Variants in SLC26A1 observed in about 807,000 individuals in gnomAD.
SLC26A1 encodes the protein solute carrier family 26 member 1, also known as sulfate anion transporter 1.
A neutral mutation model predicts 14.5 loss-of-function variants in SLC26A1; 18 were observed. The observed-to-expected ratio is 1.24, with a 90% CI of 0.86 to 1.84. SLC26A1 has a LOEUF of 1.84. Among genes scored for constraint, SLC26A1 ranks in the 40% most tolerant of loss-of-function variants. The pLI is 0.00. For synonymous variants in SLC26A1, 505 were observed against 492.0 expected (o/e 1.03, Z -0.35); for missense variants, 1,049 against 1,020.0 (o/e 1.03, Z -0.39).
In SLC26A1 at chr4:991,381, G is replaced by A. The variant is rs760940403; in HGVS notation, c.323C>T (p.Ala108Val). The change falls in exon 2 of 3, where the codon GCC becomes GTC. Residue 108 changes from alanine (A) to valine (V), a missense_variant. Coordinates refer to ENST00000398516, the MANE Select transcript of SLC26A1 (RefSeq NM_022042.4). ...GCCCATGAGGAAGTAGATGAGGTTG[G>A]CGAAGAAGGACGTATAGAGGCTGTA... ...PIYSLYTSFF[A>V]NLIYFLMGTS... 4.3e-6 allele frequency: 7 copies of A among 1,612,734 alleles called. No homozygotes were observed. Among genetic ancestry groups the A allele is most frequent in the Non-Finnish European group, 5.1e-6 (6 of 1,179,968 alleles).
chr4:990,906 C>A lies in SLC26A1; in HGVS notation c.576+222G>T, dbSNP rs1577518379. The A allele has an allele frequency of 5.8e-5, 31 of 538,240 alleles. No individual in the cohort carries two copies. The East Asian group carries it at 9.5e-4, about 16-fold the overall frequency. 33.3% of individuals were successfully genotyped at this position (538,240 alleles called of 1,614,324 possible). On this transcript the variant is annotated intron_variant, in intron 2 of 2. Coordinates refer to ENST00000398516, the MANE Select transcript of SLC26A1 (RefSeq NM_022042.4). The stretch of plus-strand genomic sequence containing the variant: ...CCCACCAAGGCCATGGCCCACCGGA[C>A]TGGCTCCCCGTGCCCCTCCCCTCCT...
downstream of SLC26A1, chr4:987,550 C>T (rs190905923): frequency 5.2e-3 from 6,205 of 1,193,786 alleles, 367 homozygotes; most frequent in South Asian, 0.092. Flanking sequence ...ATTCCTTCCA[C>T]CTAGAGCTGA....
At chr4:986,079 C>T (rs1713714132), downstream of SLC26A1, among the ~76,000 whole-genome samples, 1 of 152,112 alleles carries the variant, frequency 6.6e-6, no homozygotes, top group Admixed American at 6.6e-5. Flanking sequence ...ACCATCGCAT[C>T]TGGCTAAATT....
rs140299648 is a variant in SLC26A1, at chr4:989,935, G to A, written c.1004C>T (p.Pro335Leu). 1.1e-3 allele frequency: 1,653 copies of A among 1,557,274 alleles called. 2 individuals are homozygous for A. The highest frequency in any genetic ancestry group is 1.4e-3 in the Non-Finnish European group (1,612 of 1,151,726). The change falls in exon 3 of 3, where the codon CCC (proline) becomes CTC (leucine). Residue 335 changes from proline (P) to leucine (L), a missense_variant. By Grantham distance (98) the Pro-to-Leu change is moderately conservative (BLOSUM62 -3). Coordinates refer to ENST00000398516, the MANE Select transcript of SLC26A1 (RefSeq NM_022042.4). Reference sequence around the variant, plus strand: ...CAAAGCCACACGCTGCATCAGCCTGGGCTCTGGGACCTGAGGGGGCATGAA... The same window carrying A: ...CAAAGCCACACGCTGCATCAGCCTGAGCTCTGGGACCTGAGGGGGCATGAA... ...TGFMPPQVPE[P>L]RLMQRVALDA...
At chr4:980,240 C>T (rs1713498209) in intron 2 of SLC26A1, among the ~76,000 whole-genome samples, 1 of 152,186 alleles carries the variant, frequency 6.6e-6, no homozygotes, top group Non-Finnish European at 1.5e-5. Flanking sequence ...CCTGTGGGCT[C>T]TGGAGGGGTG....
downstream of SLC26A1, chr4:987,019 A>T: frequency 7.0e-7 from 1 of 1,431,200 alleles, no homozygotes. Flanking sequence ...GCGCGCCCAG[A>T]CTCCGACCCG....
intron 2 of SLC26A1, 49 bp from the exon 3 acceptor site, chr4:990,411 T>G (rs1269592915): frequency 2.0e-6 from 3 of 1,508,572 alleles, no homozygotes; most frequent in Non-Finnish European, 2.7e-6. Context: ...GGGAGCCACC[T>G]GCCCCTCACC....
chr4:979,480 G>A lies in SLC26A1; in HGVS notation c.601C>T (p.Gln201Ter), dbSNP rs2153013552. 1.2e-6 allele frequency: 2 copies of A among 1,613,942 alleles called. No homozygotes were observed. The highest frequency in any genetic ancestry group is 2.2e-5 in the East Asian group (1 of 44,882). The change falls in exon 3 of 3, where the codon CAG (glutamine) becomes TAG (stop). Residue 201 changes from glutamine (Q) to a stop codon, truncating the protein, a stop_gained. Transcript: ENST00000398520. LOFTEE classifies it high-confidence loss of function. ...TGTGTTAATTGCCATGGGTGTTGCT[G>A]GAAGCTGTTTCTACCCCAGGACGTC...
chr4:991,177 T>C lies in SLC26A1; in HGVS notation c.527A>G (p.Tyr176Cys). Residue 176 changes from tyrosine (Y) to cysteine (C), a missense_variant, in exon 2 of 3, where the codon TAC (tyrosine) becomes TGC (cysteine). Coordinates refer to ENST00000398516, the MANE Select transcript of SLC26A1 (RefSeq NM_022042.4). ...GAGGGCGGTGGCGACACGGATGGCGTAGCAGTCACGCCCGCAGTCCAGCAT... is the reference window on the plus strand; with the variant it reads ...GAGGGCGGTGGCGACACGGATGGCGCAGCAGTCACGCCCGCAGTCCAGCAT... ...AAMLDCGRDC[Y>C]AIRVATALTL... The C allele has an allele frequency of 6.3e-7, 1 of 1,581,520 alleles. No homozygotes were observed. Among genetic ancestry groups the C allele is most frequent in the Non-Finnish European group, 8.6e-7 (1 of 1,161,520 alleles).
At chr4:992,588 A>T (rs1449057124) in intron 1 of SLC26A1, 2 of 199,820 alleles carry the variant, frequency 1.0e-5, no homozygotes, top group Non-Finnish European at 2.1e-5. Flanking sequence ...CTGGGACGTG[A>T]GGCGCCCTTT....
Position 991,728 on chromosome 4 carries a change from G to T in SLC26A1, c.-25C>A. 6.5e-7 allele frequency: 1 copy of T among 1,531,218 alleles called. No individual in the cohort carries two copies. Among genetic ancestry groups the T allele is most frequent in the South Asian group, 1.2e-5 (1 of 81,226 alleles). The allele number at this position is 1,531,218 out of a possible 1,614,324, so 94.9% of individuals were successfully genotyped here. A position where few individuals can be genotyped will look rare whatever the true frequency, so the allele number is the denominator to read the frequency against. On this transcript the variant is annotated splice_region_variant and 5_prime_UTR_variant, in exon 2 of 3. Coordinates refer to ENST00000398516, the MANE Select transcript of SLC26A1 (RefSeq NM_022042.4). ...TCCTGTTGCGTCAGGTCCCGTGGCCGACCTGCGGCCGAGAAGAGGGCATGG... is the reference window on the plus strand; with the variant it reads ...TCCTGTTGCGTCAGGTCCCGTGGCCTACCTGCGGCCGAGAAGAGGGCATGG...
intron 2 of SLC26A1, among the ~76,000 whole-genome samples, chr4:982,021 G>T (rs1397500114): frequency 6.6e-6 from 1 of 152,022 alleles, no homozygotes; most frequent in Non-Finnish European, 1.5e-5. Flanking sequence ...AGTTTTCACC[G>T]TGTTAGCCAG....
rs377629899 is a variant in SLC26A1 at position 991,237 on chromosome 4, C to T, written c.467G>A (p.Gly156Glu). ...GCCGTTGAGGGTGCTGCTGTTGGCT[C>T]CGGGCTGCAGGCCGTCCTGGGAGGG... ...FDPSQDGLQPGANSSTLNGSA... is the reference protein window; with the variant it reads ...FDPSQDGLQPEANSSTLNGSA... The change falls in exon 2 of 3, where the codon GGA becomes GAA. Residue 156 changes from glycine (G) to glutamate (E), a missense_variant. By Grantham distance (98) the Gly-to-Glu change is moderately conservative (BLOSUM62 -2). Transcript: ENST00000398516. 31 of 1,611,494 alleles carry T rather than the reference C, an allele frequency of 1.9e-5. No homozygotes were observed. In the African/African-American group the frequency reaches 3.6e-4, roughly 19 times the overall value.
In SLC26A1 at chr4:988,910, A is replaced by G. The variant is rs1003834527; in HGVS notation, c.2029T>C (p.Phe677Leu). 1 of 1,605,216 alleles carries G rather than the reference A, an allele frequency of 6.2e-7. No individual in the cohort carries two copies. Among genetic ancestry groups the G allele is most frequent in the Non-Finnish European group, 8.5e-7 (1 of 1,176,818 alleles). The change falls in exon 3 of 3, where the codon TTC becomes CTC. Residue 677 changes from phenylalanine (F) to leucine (L), a missense_variant. Transcript: ENST00000398516. ...TGCACGGCATCGTGCACACTGAGGA[A>G]CAGCTGCTCCTCCTCAGCCGTGTCC... ...PGDTAEEEQL[F>L]LSVHDAVQTA...
At chr4:986,806 A>G, downstream of SLC26A1, 3 of 601,642 alleles carry the variant, frequency 5.0e-6, no homozygotes, top group South Asian at 3.0e-5. Flanking sequence ...CTCAACTCAC[A>G]TAGCACCAAC....
Position 988,028 on chromosome 4 carries a change from G to A in SLC26A1, c.*805C>T, listed in dbSNP as rs1019375093. 14 of 1,496,198 alleles carry A rather than the reference G, an allele frequency of 9.4e-6. No individual in the cohort carries two copies. The highest frequency in any genetic ancestry group is 2.3e-4 in the Middle Eastern group (1 of 4,340). The allele number at this position is 1,496,198 out of a possible 1,614,324, so 92.7% of individuals were successfully genotyped here. A position where few individuals can be genotyped will look rare whatever the true frequency, so the allele number is the denominator to read the frequency against. On this transcript the variant is annotated 3_prime_UTR_variant, in exon 3 of 3. Coordinates refer to ENST00000398516, the MANE Select transcript of SLC26A1 (RefSeq NM_022042.4). ...GGGAGGGGAGGGCTGGGGGCTGCTC[G>A]GAAGACCCCTTGTTCCCCCACCTCC...
chr4:989,711 A>T lies in SLC26A1; in HGVS notation c.1228T>A (p.Cys410Ser). 6.4e-7 allele frequency: 1 copy of T among 1,559,306 alleles called. No homozygotes were observed. The highest frequency in any genetic ancestry group is 8.7e-7 in the Non-Finnish European group (1 of 1,152,250). ...ACCACGCTGGACAGCTGTGTCCGGC[A>T]GCCAGTGGCTGTCTTCACCAGGCTC... is the stretch of plus-strand genomic sequence containing the variant. ...AKSLVKTATG[C>S]RTQLSSVVSA... The change falls in exon 3 of 3, where the codon TGC becomes AGC. Residue 410 changes from cysteine (C) to serine (S), a missense_variant. Coordinates refer to ENST00000398516, the MANE Select transcript of SLC26A1 (RefSeq NM_022042.4).
At position 987,667 on chromosome 4, in the gene SLC26A1, T is replaced by C. The variant is rs1713841959; in HGVS notation, c.*1166A>G. ...TGGGACCTCCCCACATTCCTGGCCC[T>C]AAGGGTCATTTTATTAGTCACTGAA... On this transcript the variant is annotated 3_prime_UTR_variant, in exon 3 of 3. Coordinates refer to ENST00000398516, the MANE Select transcript of SLC26A1 (RefSeq NM_022042.4). The C allele has an allele frequency of 4.7e-6, 7 of 1,484,160 alleles. No individual in the cohort carries two copies. Among genetic ancestry groups the C allele is most frequent in the Non-Finnish European group, 5.4e-6 (6 of 1,114,442 alleles). The allele number at this position is 1,484,160 out of a possible 1,614,324, so 91.9% of individuals were successfully genotyped here.
rs3822021 is a variant in SLC26A1, at chr4:992,068, A to G, written c.-27-338T>C. 568 of 540,968 alleles carry G rather than the reference A, an allele frequency of 1.0e-3. 11 individuals are homozygous for G. In the East Asian group the frequency reaches 0.023, roughly 22 times the overall value. 33.5% of individuals were successfully genotyped at this position (540,968 alleles called of 1,614,324 possible). ...TATTGGCTCTGCGGTTCCTGGCTGAAAACCACCCTGTAGCCTCCTGAAGCT... is the reference window on the plus strand; with the variant it reads ...TATTGGCTCTGCGGTTCCTGGCTGAGAACCACCCTGTAGCCTCCTGAAGCT... On this transcript the variant is annotated intron_variant, in intron 1 of 2. Transcript: ENST00000398516.
Sources: gnomAD v4.1 joint callset for allele counts (sites outside exome capture counted in the v4.1 genomes callset) on GRCh38, gnomAD v4.1.1 for gene constraint, MANE v1.5 for transcripts, NCBI Gene and HGNC (gene_info 2026-07-23, HGNC 2026-07-21) for gene names.